DMD: variants seen among roughly 807,000 people sequenced by gnomAD.
DMD encodes the protein mutant dystrophin.
In DMD, 63 loss-of-function variants were observed where a neutral mutation model predicts 330.1. The ratio of observed to expected loss-of-function variants is 0.19; its 90% CI spans 0.16 to 0.24. The LOEUF (loss-of-function observed/expected upper bound fraction) is 0.24. DMD is among the 10% of genes least tolerant of loss of function. The pLI, the probability that DMD is intolerant of heterozygous loss-of-function variation, is 1.00. For missense variants in DMD, 3,344 were observed against 2,684.1 expected, an observed-to-expected ratio of 1.25 and a Z score of -5.43; for synonymous variants, 1,223 against 959.8, an observed-to-expected ratio of 1.27 and a Z score of -5.07.
chrX:32,129,706 GGA>G (rs142495423), intron 44 of DMD, among the ~76,000 whole-genome samples: 1 of 83,800 alleles, frequency 1.2e-5, no homozygotes, highest in African/African-American at 4.4e-5. Context: ...ATATAGATAT[GGA>G]GAGAGAGAGA....
At chrX:31,296,366 T>C (rs1463930177) in intron 62 of DMD, among the ~76,000 whole-genome samples, 1 of 112,078 alleles carries the variant, frequency 8.9e-6, no homozygotes, top group Non-Finnish European at 1.9e-5. Context: ...GAAAGTATCA[T>C]TGAAAAGGCT....
At chrX:32,721,097 T>C (rs760757189) in intron 7 of DMD, among the ~76,000 whole-genome samples, 3 of 111,337 alleles carry the variant, frequency 2.7e-5, no homozygotes, top group East Asian at 5.6e-4. Context: ...TCACAATTTC[T>C]TTATCTGTCA....
chrX:32,594,383 G>C (rs935470673), intron 13 of DMD, among the ~76,000 whole-genome samples: 1 of 111,469 alleles, frequency 9.0e-6, no homozygotes, highest in African/African-American at 3.3e-5. Flanking sequence ...CGAAGGAAGA[G>C]AAGGCGTGAG....
At chrX:32,088,940 A>T (rs1186989264) in intron 44 of DMD, among the ~76,000 whole-genome samples, 1 of 111,802 alleles carries the variant, frequency 8.9e-6, no homozygotes, top group Non-Finnish European at 1.9e-5. Context: ...CAAGCAAGAC[A>T]AGGTTTCCTG....
rs1295098401 is a variant in DMD at position 32,178,956 on chromosome X, CT to C, written c.6438+37959del. On this transcript the variant is annotated intron_variant, in intron 44 of 78. Transcript: ENST00000357033. ...AACCCCAGATTCTCTCTCTCTCTCT[CT>C]CTCTCTCTCTCTCTCTCTCTCTCTC... is the stretch of plus-strand genomic sequence containing the variant. Among the ~76,000 whole-genome samples, 26 of 103,232 alleles carry C rather than the reference CT, an allele frequency of 2.5e-4. 1 individual carries two copies. The highest frequency in any genetic ancestry group is 9.5e-4 in the African/African-American group (26 of 27,410). The allele number at this position is 103,232 out of a possible 115,157, so 89.6% of individuals were successfully genotyped here.
At chrX:32,728,034 A>G (rs902006158) in intron 7 of DMD, among the ~76,000 whole-genome samples, 1 of 111,658 alleles carries the variant, frequency 9.0e-6, no homozygotes, top group Non-Finnish European at 1.9e-5. Context: ...CTATCAATCA[A>G]TATTTTCAGA....
intron 29 of DMD, among the ~76,000 whole-genome samples, chrX:32,430,875 C>T (rs141954246): frequency 1.2e-3 from 139 of 111,566 alleles, no homozygotes; most frequent in African/African-American, 4.4e-3. Context: ...GTTGTTACAG[C>T]GAAATGGTAG....
intron 50 of DMD, among the ~76,000 whole-genome samples, chrX:31,803,676 T>TTCTC (rs747729240): frequency 2.9e-3 from 252 of 87,785 alleles, no homozygotes; most frequent in African/African-American, 8.5e-3. Context: ...CTTTCTCTGT[T>TTCTC]TCTCTCTCTC....
rs760737207 is a variant in DMD, at chrX:32,073,030, G to A, written c.6439-104516C>T. On this transcript the variant is annotated intron_variant, in intron 44 of 78. Transcript: ENST00000357033. ...GGTTGGAAATAAGTGTAATGGTTCC[G>A]GCCAAAAATAAACACAAGGCCAGTC... Among the ~76,000 whole-genome samples the A allele has an allele frequency of 1.8e-4, 20 of 111,768 alleles. 1 individual carries two copies. The South Asian group carries it at 5.9e-3, about 33-fold the overall frequency.
At position 31,658,072 on chromosome X, in the gene DMD, G is replaced by A. The variant is rs1015097529; in HGVS notation, c.7945C>T (p.Arg2649Trp). 7 of 1,209,655 alleles carry A rather than the reference G, an allele frequency of 5.8e-6. No homozygotes were observed. The Admixed American group carries it at 6.6e-5, about 11-fold the overall frequency. The change falls in exon 54 of 79, where the codon CGG becomes TGG. Residue 2649 changes from arginine to tryptophan, a missense_variant. By Grantham distance (101) the Arg-to-Trp change is moderately radical. Coordinates refer to ENST00000357033, the MANE Select transcript of DMD (RefSeq NM_004006.3). ...CTGGTATCATCTGCAGAATAATCCC[G>A]GAGAAGTTTCAGGGCCAAGTCATTT... ...VANDLALKLL[R>W]DYSADDTRKV... is the part of the protein sequence containing the mutation.
At chrX:31,124,634 T>G (rs1279114351) in intron 78 of DMD, among the ~76,000 whole-genome samples, 1 of 112,148 alleles carries the variant, frequency 8.9e-6, no homozygotes, top group East Asian at 2.8e-4. Context: ...AGTATTGATT[T>G]AATCCATTCT....
chrX:32,242,319 A>G (rs1232640165), intron 43 of DMD, among the ~76,000 whole-genome samples: 2 of 111,719 alleles, frequency 1.8e-5, no homozygotes, highest in Non-Finnish European at 3.8e-5. Flanking sequence ...CCTGTTACAG[A>G]AGACAAAGTA....
chrX:32,873,543 C>T (rs1054437394), intron 2 of DMD, among the ~76,000 whole-genome samples: 8 of 111,465 alleles, frequency 7.2e-5, no homozygotes, highest in African/African-American at 2.3e-4. Context: ...ATGAGTACAT[C>T]AAGGCACATT....
At chrX:31,283,039 A>G (rs1291919674) in intron 62 of DMD, among the ~76,000 whole-genome samples, 1 of 111,673 alleles carries the variant, frequency 9.0e-6, no homozygotes, top group African/African-American at 3.2e-5. Context: ...AACTTTTCAA[A>G]CTGAAAGAAA....
intron 44 of DMD, among the ~76,000 whole-genome samples, chrX:32,047,218 C>T (rs2042238425): frequency 2.7e-5 from 3 of 111,317 alleles, no homozygotes; most frequent in Admixed American, 9.6e-5. Context: ...AATTCTACTA[C>T]TAATAATATC....
chrX:31,887,687 TG>T (rs1159110694), intron 47 of DMD, among the ~76,000 whole-genome samples: 1 of 112,164 alleles, frequency 8.9e-6, no homozygotes, highest in Non-Finnish European at 1.9e-5. Context: ...ATTAATTACC[TG>T]GGCTACTTCA....
At chrX:31,711,444 T>C (rs1388435960) in intron 52 of DMD, among the ~76,000 whole-genome samples, 1 of 111,867 alleles carries the variant, frequency 8.9e-6, no homozygotes, top group African/African-American at 3.2e-5. Flanking sequence ...CTTCCCAGTA[T>C]GCTCTACAAA....
intron 12 of DMD, among the ~76,000 whole-genome samples, chrX:32,612,295 G>T (rs2057239195): frequency 9.0e-6 from 1 of 111,186 alleles, no homozygotes; most frequent in Admixed American, 9.6e-5. Flanking sequence ...TCCACTTCCT[G>T]TCCACCTTCA....
At chrX:32,394,836 T>C (rs1478924769) in intron 30 of DMD, among the ~76,000 whole-genome samples, 1 of 102,843 alleles carries the variant, frequency 9.7e-6, no homozygotes, top group African/African-American at 3.5e-5. Context: ...CCAAGGTTAG[T>C]AGAGGAAAAA....
Sources: gnomAD v4.1 joint callset for allele counts (sites outside exome capture counted in the v4.1 genomes callset) on GRCh38, gnomAD v4.1.1 for gene constraint, MANE v1.5 for transcripts, NCBI Gene and HGNC (gene_info 2026-07-23, HGNC 2026-07-21) for gene names.